The following NIPSNAP2 variants were observed in gnomAD, a reference collection of about 807,000 sequenced individuals.
NIPSNAP2 encodes protein NipSnap homolog 2.
Under a neutral mutation model 48.4 loss-of-function variants are expected in NIPSNAP2, and 42 were observed. The ratio of observed to expected loss-of-function variants is 0.87; its 90% confidence interval spans 0.68 to 1.12. NIPSNAP2 has a LOEUF of 1.12. Ranked by LOEUF, NIPSNAP2 falls within the 50% of genes most tolerant of loss-of-function variation. The probability of loss-of-function intolerance (pLI) is 0.00; values close to 1 mark genes in which losing one functional copy is unlikely to be tolerated. For synonymous variants in NIPSNAP2, 158 were observed against 126.6 expected (o/e 1.25, Z -1.67); for missense variants, 314 against 347.3 (o/e 0.90, Z 0.76).
intron 7 of NIPSNAP2, among the ~76,000 whole-genome samples, chr7:55,987,621 C>T (rs1002740336): frequency 3.3e-5 from 5 of 152,142 alleles, no homozygotes; most frequent in Non-Finnish European, 7.3e-5. Context: ...AGCGAGACTT[C>T]ATCCCCCGCC....
At chr7:55,979,445 A>G (rs1041381226) in intron 3 of NIPSNAP2, 13 of 199,196 alleles carry the variant, frequency 6.5e-5, no homozygotes, top group Non-Finnish European at 1.1e-4. Context: ...TGCTCTTCCA[A>G]CTTCCCTGTC....
At chr7:55,997,125 C>T (rs534311765) in intron 8 of NIPSNAP2, among the ~76,000 whole-genome samples, 1 of 151,032 alleles carries the variant, frequency 6.6e-6, no homozygotes, top group African/African-American at 2.4e-5. Context: ...TGCCATTGCG[C>T]TCCAGGCTGG....
intron 5 of NIPSNAP2, 77 bp from the exon 6 acceptor site, chr7:55,983,651 A>G (rs1427278104): frequency 2.7e-6 from 4 of 1,462,074 alleles, no homozygotes; most frequent in Non-Finnish European, 2.9e-6. Flanking sequence ...AGTATTCTGT[A>G]GGAACATCAA....
At chr7:55,997,737 C>G (rs1020966016) in intron 9 of NIPSNAP2, among the ~76,000 whole-genome samples, 1 of 152,080 alleles carries the variant, frequency 6.6e-6, no homozygotes, top group African/African-American at 2.4e-5. Flanking sequence ...TTTCTATATT[C>G]TCTGAAAACT....
chr7:55,973,376 G>C (rs1404203050), intron 1 of NIPSNAP2, among the ~76,000 whole-genome samples: 4 of 151,900 alleles, frequency 2.6e-5, no homozygotes, highest in Non-Finnish European at 5.9e-5. Flanking sequence ...AAGTGAGTTT[G>C]CTTCTTTTTA....
chr7:55,970,309 ATT>A (rs36009676), intron 1 of NIPSNAP2, among the ~76,000 whole-genome samples: 10 of 136,870 alleles, frequency 7.3e-5, no homozygotes, highest in Non-Finnish European at 6.4e-5. Context: ...TGACACTTAG[ATT>A]TTTTTTTTTT....
chr7:55,969,342 CG>C (rs1480866145), intron 1 of NIPSNAP2, among the ~76,000 whole-genome samples: 4 of 151,376 alleles, frequency 2.6e-5, no homozygotes, highest in Middle Eastern at 3.4e-3. Context: ...TTCTCTCCCC[CG>C]GGTCTGTGCT....
At chr7:55,996,925 A>G (rs768960288) in intron 8 of NIPSNAP2, among the ~76,000 whole-genome samples, 92 of 152,114 alleles carry the variant, frequency 6.0e-4, no homozygotes, top group Non-Finnish European at 4.0e-4. Context: ...TCACCCCTGT[A>G]ATTCTAGCAC....
chr7:55,997,801 G>A (rs944780921), intron 9 of NIPSNAP2, among the ~76,000 whole-genome samples: 5 of 152,026 alleles, frequency 3.3e-5, no homozygotes, highest in Non-Finnish European at 7.4e-5. Flanking sequence ...AGAATTGTTA[G>A]TATCCCAAAT....
intron 7 of NIPSNAP2, among the ~76,000 whole-genome samples, chr7:55,985,712 C>G (rs1254211818): frequency 6.7e-6 from 1 of 149,270 alleles, no homozygotes; most frequent in African/African-American, 2.5e-5. Flanking sequence ...CACCACTGCA[C>G]TCCAGCCTGG....
rs565363118 is a variant in NIPSNAP2 at position 55,998,412 on chromosome 7, C to T, written c.797-596C>T. Reference sequence around the variant, plus strand: ...TATTTGATTTTGCTGCTTACGCGAACGTTTGAGAAATCACCATTTCTCCTC... The same window carrying T: ...TATTTGATTTTGCTGCTTACGCGAATGTTTGAGAAATCACCATTTCTCCTC... On this transcript the variant is annotated intron_variant, in intron 9 of 9. Coordinates refer to ENST00000322090, the MANE Select transcript of NIPSNAP2 (RefSeq NM_001483.3). Among the ~76,000 whole-genome samples the T allele has an allele frequency of 8.0e-5, 12 of 149,800 alleles. No homozygotes were observed. The South Asian group carries it at 2.5e-3, about 32-fold the overall frequency.
chr7:55,977,081 A>T (rs1373024692), intron 1 of NIPSNAP2, among the ~76,000 whole-genome samples: 2 of 125,268 alleles, frequency 1.6e-5, no homozygotes, highest in African/African-American at 5.8e-5. Flanking sequence ...TTTTAAAGTT[A>T]ATTTTTACAA....
chr7:55,965,556 T>G (rs1786874951), intron 1 of NIPSNAP2, among the ~76,000 whole-genome samples: 2 of 151,706 alleles, frequency 1.3e-5, no homozygotes, highest in South Asian at 4.1e-4. Flanking sequence ...TAACATGGTT[T>G]ATTATTATTA....
In NIPSNAP2 at chr7:55,999,169, G is replaced by T; in HGVS notation, c.*97G>T. 2 of 993,816 alleles carry T rather than the reference G, an allele frequency of 2.0e-6. No individual in the cohort carries two copies. Among genetic ancestry groups the T allele is most frequent in the Non-Finnish European group, 3.2e-6 (2 of 632,042 alleles). The allele number at this position is 993,816 out of a possible 1,614,324, so 61.6% of individuals were successfully genotyped here. On this transcript the variant is annotated 3_prime_UTR_variant, in exon 10 of 10. Transcript: ENST00000322090. ...TATCAAGTGAAAAAGAAACACTGAG[G>T]TTTTAAGCTGCTGTATATAGCTTGT...
At chr7:55,995,505 C>T (rs898458823) in intron 8 of NIPSNAP2, among the ~76,000 whole-genome samples, 3 of 152,190 alleles carry the variant, frequency 2.0e-5, no homozygotes, top group Non-Finnish European at 4.4e-5. Context: ...TCACCCTTCC[C>T]CAGTAGTGAA....
chr7:55,988,965 A>T (rs926554499), intron 7 of NIPSNAP2, among the ~76,000 whole-genome samples: 1 of 152,198 alleles, frequency 6.6e-6, no homozygotes, highest in Non-Finnish European at 1.5e-5. Flanking sequence ...TATGTGTATA[A>T]GTGTTTCTTA....
chr7:55,975,506 A>C (rs1362667745), intron 1 of NIPSNAP2, among the ~76,000 whole-genome samples: 1 of 152,156 alleles, frequency 6.6e-6, no homozygotes, highest in Non-Finnish European at 1.5e-5. Context: ...ATGTTCTAGA[A>C]AAGGCAAAAC....
At chr7:55,966,727 A>T (rs542807703) in intron 1 of NIPSNAP2, among the ~76,000 whole-genome samples, 4 of 152,318 alleles carry the variant, frequency 2.6e-5, no homozygotes, top group African/African-American at 9.6e-5. Context: ...GGTTGCAGTG[A>T]GCCGAGATCA....
chr7:55,985,222 C>CTT (rs550021193), intron 7 of NIPSNAP2, among the ~76,000 whole-genome samples: 1 of 151,830 alleles, frequency 6.6e-6, no homozygotes, highest in Non-Finnish European at 1.5e-5. Flanking sequence ...AGATAAGCAC[C>CTT]TTTTTTTTAA....
Sources: allele counts gnomAD v4.1 joint callset (sites outside exome capture counted in the v4.1 genomes callset), GRCh38; gene constraint gnomAD v4.1.1; transcripts MANE v1.5; gene names NCBI Gene and HGNC (gene_info 2026-07-23, HGNC 2026-07-21).